TRPS1: variants seen among roughly 807,000 people sequenced by gnomAD.
TRPS1 encodes the protein transcriptional repressor GATA binding 1.
In TRPS1, 6 loss-of-function variants were observed where a neutral mutation model predicts 101.2. That is an observed-to-expected ratio of 0.06 (90% CI 0.03 to 0.12). The LOEUF (loss-of-function observed/expected upper bound fraction) is 0.12. Among genes scored for constraint, TRPS1 ranks in the 10% least tolerant of loss-of-function variants. TRPS1 has a pLI of 1.00. For synonymous variants in TRPS1, 578 were observed against 589.8 expected (o/e 0.98, Z 0.29); for missense variants, 1,363 against 1,567.0 (o/e 0.87, Z 2.20).
chr8:115,570,176 C>T (rs1193009927), intron 5 of TRPS1, among the ~76,000 whole-genome samples: 1 of 151,812 alleles, frequency 6.6e-6, no homozygotes, highest in Admixed American at 6.6e-5. Flanking sequence ...TATTGTTATA[C>T]GAACCCTAAA....
chr8:115,633,120 C>T (rs16887583), intron 1 of TRPS1, among the ~76,000 whole-genome samples: 11,164 of 151,956 alleles, frequency 0.073, 1,386 homozygotes, highest in African/African-American at 0.26. Flanking sequence ...GGGTCATTGA[C>T]GCCTCAGGCT....
rs76289664 is a variant in TRPS1 at position 115,637,291 on chromosome 8, G to C, written c.-121-13533C>G. 3 of 985,406 alleles carry C rather than the reference G, an allele frequency of 3.0e-6. No homozygotes were observed. The African/African-American group carries it at 5.2e-5, about 17-fold the overall frequency. 61.0% of individuals were successfully genotyped at this position (985,406 alleles called of 1,614,324 possible). A position where few individuals can be genotyped will look rare whatever the true frequency, so the allele number is the denominator to read the frequency against. ...AGAATCTTGAATCCCAGTTGATGAG[G>C]CTGGACCACTTGGAGAAAGCAGGAA... is the stretch of plus-strand genomic sequence containing the variant. On this transcript the variant is annotated intron_variant, in intron 1 of 6. Coordinates refer to ENST00000395715, the MANE Select transcript of TRPS1 (RefSeq NM_014112.5).
intron 5 of TRPS1, among the ~76,000 whole-genome samples, chr8:115,484,482 C>T (rs568086042): frequency 4.6e-5 from 7 of 152,304 alleles, no homozygotes; most frequent in African/African-American, 1.4e-4. Flanking sequence ...ACACATCCTT[C>T]AAGAGGCAAA....
At chr8:115,548,017 G>T (rs1210346353) in intron 5 of TRPS1, among the ~76,000 whole-genome samples, 1 of 151,770 alleles carries the variant, frequency 6.6e-6, no homozygotes, top group East Asian at 1.9e-4. Flanking sequence ...ACTGCTTGGG[G>T]TCAGGAGTTC....
At chr8:115,647,397 A>G (rs2130601048) in intron 1 of TRPS1, among the ~76,000 whole-genome samples, 1 of 152,306 alleles carries the variant, frequency 6.6e-6, no homozygotes, top group South Asian at 2.1e-4. Flanking sequence ...ACGTATAGCT[A>G]CTGTCTTAAA....
chr8:115,650,450 T>C (rs900738144), intron 1 of TRPS1, among the ~76,000 whole-genome samples: 5 of 152,218 alleles, frequency 3.3e-5, no homozygotes, highest in African/African-American at 1.2e-4. Context: ...TCCTTCATGG[T>C]CCCATGTCCA....
intron 1 of TRPS1, among the ~76,000 whole-genome samples, chr8:115,645,805 T>G (rs1819012064): frequency 6.6e-6 from 1 of 152,070 alleles, no homozygotes; most frequent in South Asian, 2.1e-4. Flanking sequence ...TTCTTGCAAG[T>G]TTTTCCAATT....
chr8:115,625,334 A>G (rs1165145811), intron 1 of TRPS1, among the ~76,000 whole-genome samples: 1 of 151,896 alleles, frequency 6.6e-6, no homozygotes, highest in Non-Finnish European at 1.5e-5. Flanking sequence ...CTTTACCTGT[A>G]CAATAAGGGA....
chr8:115,468,527 T>A (rs1814383027), intron 5 of TRPS1, among the ~76,000 whole-genome samples: 1 of 152,166 alleles, frequency 6.6e-6, no homozygotes, highest in Admixed American at 6.6e-5. Context: ...GTGGTTACCG[T>A]GTCTCAAGAA....
At chr8:115,476,807 G>A (rs1405604745) in intron 5 of TRPS1, among the ~76,000 whole-genome samples, 6 of 152,126 alleles carry the variant, frequency 3.9e-5, no homozygotes, top group Non-Finnish European at 8.8e-5. Flanking sequence ...AATATTCAGA[G>A]CCACAACTGA....
chr8:115,542,052 G>A (rs1303830540), intron 5 of TRPS1, among the ~76,000 whole-genome samples: 2 of 152,134 alleles, frequency 1.3e-5, no homozygotes, highest in Non-Finnish European at 2.9e-5. Context: ...AGCAGCAAGT[G>A]GAAGAGAAAT....
intron 5 of TRPS1, among the ~76,000 whole-genome samples, chr8:115,533,436 G>GTTTTTTTGTTTT (rs1816188433): frequency 2.9e-5 from 1 of 34,986 alleles, no homozygotes; most frequent in Non-Finnish European, 5.3e-5. Flanking sequence ...CATGTAATCT[G>GTTTTTTTGTTTT]TTTTTTTTTT....
intron 5 of TRPS1, among the ~76,000 whole-genome samples, chr8:115,492,563 A>T (rs763290104): frequency 7.9e-5 from 12 of 151,902 alleles, no homozygotes; most frequent in Non-Finnish European, 1.8e-4. Context: ...TGCTATTGTC[A>T]TTCTAGTTTA....
At chr8:115,436,041 C>CACA (rs1405996121) in intron 5 of TRPS1, among the ~76,000 whole-genome samples, 1 of 143,666 alleles carries the variant, frequency 7.0e-6, no homozygotes, top group African/African-American at 2.5e-5. Context: ...CACACACACA[C>CACA]ACATTCAGCT....
chr8:115,519,616 A>C (rs1815808642), intron 5 of TRPS1, among the ~76,000 whole-genome samples: 1 of 151,520 alleles, frequency 6.6e-6, no homozygotes, highest in Non-Finnish European at 1.5e-5. Context: ...AAAACTACTA[A>C]ATTATTTGGT....
At chr8:115,493,687 A>C (rs1336527141) in intron 5 of TRPS1, among the ~76,000 whole-genome samples, 1 of 152,198 alleles carries the variant, frequency 6.6e-6, no homozygotes, top group Non-Finnish European at 1.5e-5. Flanking sequence ...AACATGCATT[A>C]CTATCATCAA....
intron 5 of TRPS1, among the ~76,000 whole-genome samples, chr8:115,425,063 G>A (rs1813155117): frequency 6.6e-6 from 1 of 152,100 alleles, no homozygotes; most frequent in African/African-American, 2.4e-5. Context: ...AATAGATGGT[G>A]GTTTGCAATA....
intron 5 of TRPS1, among the ~76,000 whole-genome samples, chr8:115,471,532 C>A (rs1814469200): frequency 6.6e-6 from 1 of 152,116 alleles, no homozygotes; most frequent in Non-Finnish European, 1.5e-5. Context: ...CATACCATAT[C>A]ATTCTGCCCT....
At chr8:115,638,391 A>C (rs1036289030) in intron 1 of TRPS1, among the ~76,000 whole-genome samples, 2 of 152,168 alleles carry the variant, frequency 1.3e-5, no homozygotes, top group African/African-American at 2.4e-5. Context: ...GGAGAGCCCG[A>C]AGACATGAGT....
Sources: gnomAD v4.1 joint callset for allele counts (sites outside exome capture counted in the v4.1 genomes callset) on GRCh38, gnomAD v4.1.1 for gene constraint, MANE v1.5 for transcripts, NCBI Gene and HGNC (gene_info 2026-07-23, HGNC 2026-07-21) for gene names.